NLGN1: variants seen among roughly 807,000 people sequenced by gnomAD.
NLGN1 encodes neuroligin 1.
Under a neutral mutation model 65.5 loss-of-function variants are expected in NLGN1, and 12 were observed. That is an observed-to-expected ratio of 0.18 (90% CI 0.12 to 0.30). The LOEUF (loss-of-function observed/expected upper bound fraction) is 0.30, where lower values mean the gene tolerates loss of function less well. Ranked by LOEUF, NLGN1 falls within the 10% of genes least tolerant of loss-of-function variation. The pLI is 1.00. For synonymous variants in NLGN1, 350 were observed against 359.5 expected, an observed-to-expected ratio of 0.97 and a Z score of 0.30; for missense variants, 750 against 1,007.1, an observed-to-expected ratio of 0.74 and a Z score of 3.46.
intron 4 of NLGN1, among the ~76,000 whole-genome samples, chr3:174,103,697 A>G (rs982448189): frequency 4.6e-5 from 7 of 152,122 alleles, no homozygotes; most frequent in Non-Finnish European, 8.8e-5. Flanking sequence ...TACAAAACAT[A>G]AAGATATTAT....
intron 4 of NLGN1, among the ~76,000 whole-genome samples, chr3:173,946,179 C>T (rs750877669): frequency 2.0e-5 from 3 of 152,088 alleles, no homozygotes; most frequent in Non-Finnish European, 4.4e-5. Context: ...AAGTAATACA[C>T]GTTCAGTGTG....
chr3:173,451,412 C>T (rs1399220183), intron 2 of NLGN1, among the ~76,000 whole-genome samples: 2 of 152,128 alleles, frequency 1.3e-5, no homozygotes, highest in African/African-American at 2.4e-5. Flanking sequence ...CCTGATCGTT[C>T]CTCTGGAAGT....
intron 2 of NLGN1, among the ~76,000 whole-genome samples, chr3:173,465,266 T>C (rs1724135882): frequency 6.6e-6 from 1 of 152,180 alleles, no homozygotes; most frequent in South Asian, 2.1e-4. Context: ...GAAGATGTAA[T>C]GCTTAGGAAA....
At position 173,582,615 on chromosome 3, in the gene NLGN1, C is replaced by G. The variant is rs557761872; in HGVS notation, c.-320-21664C>G. Among the ~76,000 whole-genome samples, 3 of 152,106 alleles carry G rather than the reference C, an allele frequency of 2.0e-5. No individual in the cohort carries two copies. In the South Asian group the frequency reaches 6.2e-4, roughly 32 times the overall value. On this transcript the variant is annotated intron_variant, in intron 2 of 6. Coordinates refer to ENST00000457714, the Ensembl canonical transcript of NLGN1. Reference sequence around the variant, plus strand: ...AATCTTTTTCTGTCAATCAACTATTCATTTCCTTAACCCATTCTTTCCTAT... The same window carrying G: ...AATCTTTTTCTGTCAATCAACTATTGATTTCCTTAACCCATTCTTTCCTAT...
At chr3:173,485,453 G>A (rs1357908072) in intron 2 of NLGN1, among the ~76,000 whole-genome samples, 2 of 152,076 alleles carry the variant, frequency 1.3e-5, no homozygotes, top group Non-Finnish European at 2.9e-5. Context: ...TGAATTTCAG[G>A]ATTAATTTTT....
chr3:174,191,202 T>C (rs898323894), intron 4 of NLGN1, among the ~76,000 whole-genome samples: 1 of 152,156 alleles, frequency 6.6e-6, no homozygotes, highest in African/African-American at 2.4e-5. Flanking sequence ...CACAAGTTTA[T>C]TGCAAGATAT....
Position 174,280,716 on chromosome 3 carries a change from G to A in NLGN1, c.1885G>A (p.Val629Met). The change falls in exon 7 of 7, where the codon GTG (valine) becomes ATG (methionine). Residue 629 changes from valine to methionine, a missense_variant. Val to Met is a conservative substitution (Grantham distance 21). Transcript: ENST00000457714. This position sits in a 1 kb window ranked among gnomAD's most constrained non-coding sequence, Gnocchi z 4.9. Reference sequence around the variant, plus strand: ...TCAGTATACCTCTACAACAACTAAAGTGCCATCAACTGACATCACTTTCAG... The same window carrying A: ...TCAGTATACCTCTACAACAACTAAAATGCCATCAACTGACATCACTTTCAG... The A allele has an allele frequency of 1.2e-6, 2 of 1,613,280 alleles. No homozygotes were observed. The highest frequency in any genetic ancestry group is 1.7e-6 in the Non-Finnish European group (2 of 1,179,532).
chr3:173,919,531 T>G (rs1445088547), intron 4 of NLGN1, among the ~76,000 whole-genome samples: 1 of 152,148 alleles, frequency 6.6e-6, no homozygotes, highest in African/African-American at 2.4e-5. Context: ...CTAGAAAAAT[T>G]TGTCCAAAAT....
chr3:173,414,145 G>A (rs924848007), intron 1 of NLGN1, among the ~76,000 whole-genome samples: 3 of 152,142 alleles, frequency 2.0e-5, no homozygotes, highest in African/African-American at 4.8e-5. Context: ...GTCTGGTACC[G>A]AAAAAGATCA....
intron 4 of NLGN1, among the ~76,000 whole-genome samples, chr3:174,268,050 C>T (rs1748616524): frequency 6.6e-6 from 1 of 152,072 alleles, no homozygotes; most frequent in Non-Finnish European, 1.5e-5. Context: ...TAGTATAATT[C>T]TGAAGTATAT....
intron 4 of NLGN1, among the ~76,000 whole-genome samples, chr3:173,865,804 A>G (rs542745362): frequency 1.9e-4 from 29 of 152,334 alleles, no homozygotes; most frequent in Admixed American, 3.3e-4. Flanking sequence ...TGATGTGCAT[A>G]AACCTGACAC....
chr3:173,789,991 A>G, intron 3 of NLGN1: 1 of 411,638 alleles, frequency 2.4e-6, no homozygotes, highest in Non-Finnish European at 4.8e-6. Context: ...TTGTTGTCAT[A>G]ACCATGCCTT....
chr3:173,944,617 A>G (rs1238657067), intron 4 of NLGN1, among the ~76,000 whole-genome samples: 1 of 152,200 alleles, frequency 6.6e-6, no homozygotes, highest in Non-Finnish European at 1.5e-5. Context: ...GGATGATTCC[A>G]ATCAAGTCTC....
chr3:174,002,237 C>G (rs1418605425), intron 4 of NLGN1, among the ~76,000 whole-genome samples: 3 of 152,054 alleles, frequency 2.0e-5, no homozygotes, highest in African/African-American at 7.2e-5. Flanking sequence ...AAGTGATTCT[C>G]CTGCCTCAGC....
In NLGN1 at chr3:173,420,540, G is replaced by A. The variant is rs576259311; in HGVS notation, c.-389-14470G>A. ...GTGAATAGTGCCGCAATAAACATACGTGTGCATGTGTCTTTATAGCAGCAT... is the reference window on the plus strand; with the variant it reads ...GTGAATAGTGCCGCAATAAACATACATGTGCATGTGTCTTTATAGCAGCAT... On this transcript the variant is annotated intron_variant, in intron 1 of 6. Coordinates refer to ENST00000457714, the Ensembl canonical transcript of NLGN1. Among the ~76,000 whole-genome samples the A allele has an allele frequency of 1.9e-4, 29 of 152,212 alleles. 1 individual carries two copies. Among genetic ancestry groups the A allele is most frequent in the East Asian group, 7.7e-4 (4 of 5,174 alleles).
At chr3:174,155,142 A>G (rs896099102) in intron 4 of NLGN1, among the ~76,000 whole-genome samples, 1 of 149,922 alleles carries the variant, frequency 6.7e-6, no homozygotes, top group South Asian at 2.1e-4. Flanking sequence ...TGAGAGATCT[A>G]AAGCCCATCA....
At chr3:173,684,334 C>T (rs1159856351) in intron 3 of NLGN1, among the ~76,000 whole-genome samples, 1 of 152,110 alleles carries the variant, frequency 6.6e-6, no homozygotes, top group Non-Finnish European at 1.5e-5. Flanking sequence ...TTTGCCTCTA[C>T]AGTGCCTTTT....
chr3:173,410,556 GA>G (rs1357956094), intron 1 of NLGN1, among the ~76,000 whole-genome samples: 1 of 152,178 alleles, frequency 6.6e-6, no homozygotes, highest in African/African-American at 2.4e-5. Flanking sequence ...CACATGGAAG[GA>G]GGGATAAAGC....
At chr3:174,229,749 T>C (rs1480511091) in intron 4 of NLGN1, among the ~76,000 whole-genome samples, 2 of 152,196 alleles carry the variant, frequency 1.3e-5, no homozygotes, top group Non-Finnish European at 2.9e-5. Context: ...AATTCCATTT[T>C]ACTGTAATTG....
Sources: allele counts gnomAD v4.1 joint callset (sites outside exome capture counted in the v4.1 genomes callset), GRCh38; gene constraint gnomAD v4.1.1; non-coding constraint Gnocchi (gnomAD v3.1); transcripts MANE v1.5; gene names NCBI Gene and HGNC (gene_info 2026-07-23, HGNC 2026-07-21).